The following ZNF782 variants were observed in gnomAD, a reference collection of about 807,000 sequenced individuals.
The protein encoded by ZNF782 is zinc finger protein 782.
Under a neutral mutation model 13.0 loss-of-function variants are expected in ZNF782, and 12 were observed. That is an observed-to-expected ratio of 0.92 (90% CI 0.59 to 1.50). The LOEUF (loss-of-function observed/expected upper bound fraction) is 1.50. Ranked by LOEUF, ZNF782 falls within the 40% of genes most tolerant of loss-of-function variation. The pLI is 0.00. For missense variants in ZNF782, 770 were observed against 822.9 expected, an observed-to-expected ratio of 0.94 and a Z score of 0.79; for synonymous variants, 284 against 283.0, an observed-to-expected ratio of 1.00 and a Z score of -0.04.
the ZNF782 span, among the ~76,000 whole-genome samples, chr9:96,912,604 C>A: frequency 6.6e-6 from 1 of 151,800 alleles, no homozygotes; most frequent in Non-Finnish European, 1.5e-5. Flanking sequence ...TCTTGGCTCA[C>A]TGCAACCTCC....
At chr9:96,898,956 C>T in the ZNF782 span, among the ~76,000 whole-genome samples, 1 of 148,280 alleles carries the variant, frequency 6.7e-6, no homozygotes, top group Admixed American at 6.6e-5. Context: ...CACTGTCCAT[C>T]TCCAGAACTT....
chr9:96,932,926 G>C, the ZNF782 span, among the ~76,000 whole-genome samples: 3 of 151,264 alleles, frequency 2.0e-5, no homozygotes, highest in Admixed American at 6.6e-5. Context: ...TGAGATTACA[G>C]GCATGAGCCA....
the ZNF782 span, chr9:96,890,576 C>T: frequency 6.6e-6 from 1 of 152,270 alleles, no homozygotes; most frequent in Non-Finnish European, 1.5e-5. Flanking sequence ...CATACTCATT[C>T]AAATGACTGA....
the ZNF782 span, chr9:96,887,331 A>AGGGAGGGAGGG: frequency 2.1e-5 from 3 of 140,786 alleles, no homozygotes; most frequent in African/African-American, 9.7e-5. Context: ...GGAAGGAAGG[A>AGGGAGGGAGGG]AGGAAGGAAG....
In ZNF782 at chr9:96,844,926, C is replaced by T; in HGVS notation, c.106G>A (p.Val36Met). ...GPVERTLYRD[V>M]MLENYSHLVS... is the part of the protein sequence containing the mutation. ...AGGTGGCTGTAGTTCTCCAGCATCA[C>T]ATCTCTGTACAGGGTCCTCTCAACA... is the stretch of plus-strand genomic sequence containing the variant. Residue 36 changes from valine to methionine, a missense_variant, in exon 4 of 6, where the codon GTG becomes ATG. By Grantham distance (21) the Val-to-Met change is conservative. Transcript: ENST00000481138. The T allele has an allele frequency of 6.2e-7, 1 of 1,613,996 alleles. No homozygotes were observed. The highest frequency in any genetic ancestry group is 2.2e-5 in the East Asian group (1 of 44,862).
chr9:96,930,384 C>T, the ZNF782 span, among the ~76,000 whole-genome samples: 2 of 152,050 alleles, frequency 1.3e-5, no homozygotes, highest in Admixed American at 6.5e-5. Context: ...ATTGGCTGGG[C>T]ATGGTGGCGG....
chr9:96,919,833 C>A, the ZNF782 span, among the ~76,000 whole-genome samples: 1 of 150,824 alleles, frequency 6.6e-6, no homozygotes, highest in Non-Finnish European at 1.5e-5. Context: ...GTGCTGAGAT[C>A]ACAGGCATGC....
intron 4 of ZNF782, among the ~76,000 whole-genome samples, chr9:96,837,607 C>T (rs941179367): frequency 6.6e-6 from 1 of 152,088 alleles, no homozygotes; most frequent in Admixed American, 6.5e-5. Context: ...TTTCTTAAGA[C>T]GTGAAGTTAG....
chr9:96,911,606 T>C, the ZNF782 span, among the ~76,000 whole-genome samples: 16 of 147,940 alleles, frequency 1.1e-4, no homozygotes, highest in African/African-American at 3.7e-4. Flanking sequence ...CTGCAAGCTC[T>C]GCCTCCCGGG....
chr9:96,844,946 T>C lies in ZNF782; in HGVS notation c.86A>G (p.Glu29Gly). ...CATCACATCTCTGTACAGGGTCCTC[T>C]CAACAGGGCCCATGTGCTGCCACTC... ...QEEWQHMGPVERTLYRDVMLE... is the reference protein window; with the variant it reads ...QEEWQHMGPVGRTLYRDVMLE... The change falls in exon 4 of 6, where the codon GAG becomes GGG. Residue 29 changes from glutamate to glycine, a missense_variant. Physicochemically the swap from Glu to Gly is moderately conservative, Grantham distance 98. Coordinates refer to ENST00000481138, the MANE Select transcript of ZNF782 (RefSeq NM_001001662.3). The C allele has an allele frequency of 6.2e-7, 1 of 1,613,944 alleles. No individual in the cohort carries two copies. The highest frequency in any genetic ancestry group is 8.5e-7 in the Non-Finnish European group (1 of 1,179,918).
chr9:96,900,113 C>A, the ZNF782 span, among the ~76,000 whole-genome samples: 1 of 151,896 alleles, frequency 6.6e-6, no homozygotes, highest in Middle Eastern at 3.4e-3. Flanking sequence ...TTAGTTCAGA[C>A]CAGATCAGAT....
chr9:96,878,001 G>T (rs1851914939), upstream of ZNF782, among the ~76,000 whole-genome samples: 1 of 152,098 alleles, frequency 6.6e-6, no homozygotes, highest in South Asian at 2.1e-4. Context: ...TAGTAAGCTT[G>T]GCAACTTGGC....
At chr9:96,840,999 T>G (rs1163268248) in intron 4 of ZNF782, among the ~76,000 whole-genome samples, 1 of 151,776 alleles carries the variant, frequency 6.6e-6, no homozygotes, top group Non-Finnish European at 1.5e-5. Flanking sequence ...TTGTAAAACC[T>G]GTAGGAAGAG....
intron 5 of ZNF782, among the ~76,000 whole-genome samples, chr9:96,822,213 T>C (rs1850444676): frequency 6.6e-6 from 1 of 152,228 alleles, no homozygotes. Context: ...TTAGGGATCA[T>C]GTTTTTTGAA....
chr9:96,925,419 C>A, the ZNF782 span, among the ~76,000 whole-genome samples: 2 of 152,144 alleles, frequency 1.3e-5, no homozygotes, highest in Admixed American at 6.5e-5. Context: ...GGGTGGATCA[C>A]CTGAGGTCGG....
At chr9:96,839,642 T>C (rs1851127951) in intron 4 of ZNF782, among the ~76,000 whole-genome samples, 1 of 152,062 alleles carries the variant, frequency 6.6e-6, no homozygotes, top group Admixed American at 6.5e-5. Flanking sequence ...CTCACTTCCA[T>C]TCCTGCTCTA....
the ZNF782 span, among the ~76,000 whole-genome samples, chr9:96,924,885 C>A: frequency 6.6e-6 from 1 of 152,216 alleles, no homozygotes; most frequent in Non-Finnish European, 1.5e-5. Flanking sequence ...GCGGCCTGGG[C>A]GTCCCGCAGG....
At chr9:96,894,077 G>A in the ZNF782 span, 1 of 150,274 alleles carries the variant, frequency 6.7e-6, no homozygotes, top group Non-Finnish European at 1.5e-5. Context: ...ATCATTCTGA[G>A]CAAACTATCA....
chr9:96,870,635 T>C (rs1012544175), intron 1 of ZNF782, among the ~76,000 whole-genome samples: 1 of 152,260 alleles, frequency 6.6e-6, no homozygotes, highest in African/African-American at 2.4e-5. Flanking sequence ...TGTGAGCTGA[T>C]AGCAGTGAAC....
Sources: gnomAD v4.1 joint callset for allele counts (sites outside exome capture counted in the v4.1 genomes callset) on GRCh38, gnomAD v4.1.1 for gene constraint, MANE v1.5 for transcripts, NCBI Gene and HGNC (gene_info 2026-07-23, HGNC 2026-07-21) for gene names.